Variants in SASS6 observed in about 807,000 individuals in gnomAD.
SASS6 encodes the protein spindle assembly abnormal protein 6 homolog.
In SASS6, 59 loss-of-function variants were observed where a neutral mutation model predicts 94.9. The ratio of observed to expected loss-of-function variants is 0.62; its 90% confidence interval spans 0.50 to 0.77. The LOEUF (loss-of-function observed/expected upper bound fraction) is 0.77. SASS6 is among the 30% of genes least tolerant of loss of function. The pLI, the probability that SASS6 is intolerant of heterozygous loss-of-function variation, is 0.00. For synonymous variants in SASS6, 264 were observed against 270.0 expected, an observed-to-expected ratio of 0.98 and a Z score of 0.22; for missense variants, 698 against 734.1, an observed-to-expected ratio of 0.95 and a Z score of 0.57.
rs764962644 is a variant in SASS6, at chr1:100,121,401, C to T, written c.460G>A (p.Ala154Thr). ...ACCTTGCTACATTTCAAACAGCCTG[C>T]GAGAAATTTCTTTATCTCCACATCA... Reference protein sequence around the residue: ...GNDVEIKKFLAGCLKCSKEEK... With the variant: ...GNDVEIKKFLTGCLKCSKEEK... Residue 154 changes from alanine to threonine, a missense_variant, in exon 5 of 17, where the codon GCA becomes ACA. Coordinates refer to ENST00000287482, the MANE Select transcript of SASS6 (RefSeq NM_194292.3). The T allele has an allele frequency of 1.6e-5, 26 of 1,577,844 alleles. No individual in the cohort carries two copies. Among genetic ancestry groups the T allele is most frequent in the South Asian group, 3.6e-5 (3 of 84,478 alleles).
intron 1 of SASS6, among the ~76,000 whole-genome samples, chr1:100,129,208 G>A (rs1239523167): frequency 6.6e-6 from 1 of 151,636 alleles, no homozygotes; most frequent in Admixed American, 6.6e-5. Context: ...CAACACTCTA[G>A]CCTGGGCAAC....
intron 1 of SASS6, among the ~76,000 whole-genome samples, chr1:100,127,643 A>G (rs759293278): frequency 6.6e-5 from 10 of 152,362 alleles, no homozygotes; most frequent in Non-Finnish European, 1.0e-4. Context: ...TTTTTCTAGT[A>G]TCTAAAGCAA....
intron 7 of SASS6, among the ~76,000 whole-genome samples, chr1:100,117,939 G>A (rs1653917558): frequency 6.7e-6 from 1 of 148,680 alleles, no homozygotes; most frequent in African/African-American, 2.5e-5. Flanking sequence ...ATAAAAAGTT[G>A]TATTAAAAGA....
rs548347039 is a variant in SASS6, at chr1:100,104,853, C to T, written c.1545+914G>A. On this transcript the variant is annotated intron_variant, in intron 13 of 16. Coordinates refer to ENST00000287482, the MANE Select transcript of SASS6 (RefSeq NM_194292.3). Reference sequence around the variant, plus strand: ...CTATAATCCCGGCACTTTGAGAGGCCGAGGTGGGAGGATTGCCTGAGCCCA... The same window carrying T: ...CTATAATCCCGGCACTTTGAGAGGCTGAGGTGGGAGGATTGCCTGAGCCCA... Among the ~76,000 whole-genome samples, 672 of 151,728 alleles carry T rather than the reference C, an allele frequency of 4.4e-3. 5 individuals are homozygous for T. Among genetic ancestry groups the T allele is most frequent in the African/African-American group, 0.015 (611 of 41,364 alleles).
chr1:100,101,561 T>C (rs527316225), intron 14 of SASS6, among the ~76,000 whole-genome samples: 2 of 152,198 alleles, frequency 1.3e-5, no homozygotes, highest in African/African-American at 4.8e-5. Flanking sequence ...ACATTATATA[T>C]ATATTCCTGG....
rs749884312 is a variant in SASS6, at chr1:100,132,745, C to A, written c.65+5G>T. The A allele has an allele frequency of 2.5e-6, 4 of 1,613,088 alleles. No homozygotes were observed. The South Asian group carries it at 4.4e-5, about 18-fold the overall frequency. On this transcript the variant is annotated splice_donor_5th_base_variant and intron_variant, in intron 1 of 16. Coordinates refer to ENST00000287482, the MANE Select transcript of SASS6 (RefSeq NM_194292.3). ...CCCGCGGGCACTGGATGACGCGGAC[C>A]TTACCTCTCCTCACAGTCTTTGCAT...
intron 14 of SASS6, among the ~76,000 whole-genome samples, chr1:100,095,262 C>T (rs1363684396): frequency 6.6e-6 from 1 of 152,128 alleles, no homozygotes; most frequent in East Asian, 1.9e-4. Context: ...GTGCAGTGGC[C>T]TACACCTGTA....
At chr1:100,116,259 C>T (rs995892567) in intron 7 of SASS6, among the ~76,000 whole-genome samples, 28 of 152,074 alleles carry the variant, frequency 1.8e-4, no homozygotes, top group African/African-American at 6.8e-4. Context: ...TGACAAAGGA[C>T]TCATGTCTAG....
intron 6 of SASS6, 53 bp downstream of exon 6, chr1:100,120,341 A>G (rs1654085884): frequency 3.6e-6 from 3 of 843,148 alleles, no homozygotes; most frequent in African/African-American, 3.4e-5. Context: ...CAAGGAAGCA[A>G]TTCAGTGCCA....
At position 100,108,018 on chromosome 1, in the gene SASS6, A is replaced by G. The variant is rs989714837; in HGVS notation, c.862-14T>C. ...CCGCTGTAGCTCCTAGAATGGGAAA[A>G]GAAAGAAATTAAGCATTATGAAAAA... is the stretch of plus-strand genomic sequence containing the variant. On this transcript the variant is annotated splice_polypyrimidine_tract_variant and intron_variant, in intron 8 of 16. Coordinates refer to ENST00000287482, the MANE Select transcript of SASS6 (RefSeq NM_194292.3). The G allele has an allele frequency of 6.5e-7, 1 of 1,537,466 alleles. No individual in the cohort carries two copies. Among genetic ancestry groups the G allele is most frequent in the East Asian group, 2.3e-5 (1 of 43,686 alleles).
intron 1 of SASS6, among the ~76,000 whole-genome samples, chr1:100,130,561 C>T (rs1448319106): frequency 6.6e-6 from 1 of 151,880 alleles, no homozygotes; most frequent in Non-Finnish European, 1.5e-5. Flanking sequence ...TGGTGGTATG[C>T]GCCTGTAATT....
Position 100,106,902 on chromosome 1 carries a change from A to G in SASS6, c.1408+10T>C. 1 of 1,091,706 alleles carries G rather than the reference A, an allele frequency of 9.2e-7. No individual in the cohort carries two copies. The highest frequency in any genetic ancestry group is 1.4e-6 in the Non-Finnish European group (1 of 716,002). The allele number at this position is 1,091,706 out of a possible 1,614,324, so 67.6% of individuals were successfully genotyped here. A position where few individuals can be genotyped will look rare whatever the true frequency, so the allele number is the denominator to read the frequency against. On this transcript the variant is annotated intron_variant, in intron 12 of 16. Transcript: ENST00000287482. ...CAAACCTCATTTACATTAACACGTAACATACTTACACTTTTCATTATTTTT... is the reference window on the plus strand; with the variant it reads ...CAAACCTCATTTACATTAACACGTAGCATACTTACACTTTTCATTATTTTT...
At chr1:100,112,803 A>C (rs1237542322) in intron 7 of SASS6, among the ~76,000 whole-genome samples, 11 of 152,240 alleles carry the variant, frequency 7.2e-5, no homozygotes, top group Admixed American at 6.5e-4. Context: ...ATCAGCTAAG[A>C]ACCTATCAGG....
chr1:100,116,253 A>G (rs1653795046), intron 7 of SASS6, among the ~76,000 whole-genome samples: 2 of 152,232 alleles, frequency 1.3e-5, no homozygotes, highest in South Asian at 4.1e-4. Context: ...TACATCTGAC[A>G]AAGGACTCAT....
chr1:100,119,611 T>C (rs1654024554), intron 6 of SASS6, among the ~76,000 whole-genome samples: 4 of 152,190 alleles, frequency 2.6e-5, no homozygotes. Flanking sequence ...AGGCAGGGCC[T>C]GTGGTAGGTG....
Position 100,086,603 on chromosome 1 carries a change from A to C in SASS6, c.1773-973T>G, listed in dbSNP as rs540789502. ...CTGATCATAGCTTACTACAGACTCC[A>C]ACTCCCAGGCTCAAGTGATCCCTCA... On this transcript the variant is annotated intron_variant, in intron 15 of 16. Transcript: ENST00000287482. Among the ~76,000 whole-genome samples the C allele has an allele frequency of 2.6e-5, 4 of 151,542 alleles. No homozygotes were observed. The South Asian group carries it at 8.3e-4, about 32-fold the overall frequency.
intron 7 of SASS6, among the ~76,000 whole-genome samples, chr1:100,111,015 A>G (rs949662860): frequency 6.6e-6 from 1 of 152,064 alleles, no homozygotes; most frequent in Non-Finnish European, 1.5e-5. Flanking sequence ...AAATTTGAAC[A>G]TGGTTATAAC....
chr1:100,085,691 C>T, intron 15 of SASS6, 61 bp from the exon 16 acceptor site: 1 of 975,022 alleles, frequency 1.0e-6, no homozygotes, highest in Non-Finnish European at 1.6e-6. Context: ...GAAGGTTTAT[C>T]TCATATGTAT....
intron 1 of SASS6, among the ~76,000 whole-genome samples, chr1:100,128,914 T>C (rs1417497074): frequency 6.6e-6 from 1 of 152,134 alleles, no homozygotes; most frequent in Non-Finnish European, 1.5e-5. Context: ...CCAGGTATTG[T>C]GCCAGGTGCT....
Sources: gnomAD v4.1 joint callset for allele counts (sites outside exome capture counted in the v4.1 genomes callset) on GRCh38, gnomAD v4.1.1 for gene constraint, MANE v1.5 for transcripts, NCBI Gene and HGNC (gene_info 2026-07-23, HGNC 2026-07-21) for gene names.